GPHN: variants seen among roughly 807,000 people sequenced by gnomAD.
The protein encoded by GPHN is gephyrin.
GPHN carries 17 observed loss-of-function variants against 95.5 expected under a neutral mutation model. That is an observed-to-expected ratio of 0.18 (90% confidence interval 0.12 to 0.27). GPHN has a LOEUF of 0.27. GPHN is among the 10% of genes least tolerant of loss of function. The pLI is 1.00. For synonymous variants in GPHN, 320 were observed against 322.5 expected (o/e 0.99, Z 0.08); for missense variants, 660 against 978.1 (o/e 0.67, Z 4.34).
rs540347213 is a variant in GPHN at position 66,837,210 on chromosome 14, A to G, written c.294+12644A>G. 9.9e-5 allele frequency among the ~76,000 whole-genome samples: 14 copies of G among 141,320 alleles called. No individual in the cohort carries two copies. The East Asian group carries it at 2.9e-3, about 29-fold the overall frequency. 92.7% of individuals were successfully genotyped at this position (141,320 alleles called of 152,430 possible). On this transcript the variant is annotated intron_variant, in intron 4 of 22. Coordinates refer to ENST00000478722, the MANE Select transcript of GPHN (RefSeq NM_020806.5). ...GAACCAACCCAAATGTCCAACAATG[A>G]TAGACTGGATTAAGAAAATGTGGCA...
intron 1 of GPHN, among the ~76,000 whole-genome samples, chr14:66,612,126 G>A (rs1041331825): frequency 1.3e-5 from 2 of 151,834 alleles, no homozygotes; most frequent in African/African-American, 4.8e-5. Context: ...TCTCTGAAAT[G>A]GCCTTTCTTC....
intron 2 of GPHN, among the ~76,000 whole-genome samples, chr14:66,694,028 C>A (rs2067956683): frequency 6.6e-6 from 1 of 152,004 alleles, no homozygotes; most frequent in African/African-American, 2.4e-5. Flanking sequence ...GAATAGAGAG[C>A]CCAGAAATAG....
At chr14:67,074,806 G>C (rs1595040792) in intron 11 of GPHN, among the ~76,000 whole-genome samples, 1 of 152,142 alleles carries the variant, frequency 6.6e-6, no homozygotes, top group East Asian at 1.9e-4. Context: ...TTTCAATTCT[G>C]TGAAGGTTGA....
intron 8 of GPHN, among the ~76,000 whole-genome samples, chr14:66,947,964 A>G (rs2067861283): frequency 6.6e-6 from 1 of 152,196 alleles, no homozygotes; most frequent in Non-Finnish European, 1.5e-5. Flanking sequence ...CACAGAAAGG[A>G]AAAAAGAAAC....
At chr14:66,953,024 T>G (rs1412736427) in intron 8 of GPHN, among the ~76,000 whole-genome samples, 1 of 151,254 alleles carries the variant, frequency 6.6e-6, no homozygotes, top group Non-Finnish European at 1.5e-5. Context: ...ATCATCTGAA[T>G]GGGTGTGAAA....
chr14:67,062,408 A>ACCT (rs1181269005), intron 11 of GPHN, among the ~76,000 whole-genome samples: 3 of 152,264 alleles, frequency 2.0e-5, no homozygotes, highest in African/African-American at 7.2e-5. Context: ...AGAAGCCCTT[A>ACCT]GAGGAAAGCC....
chr14:66,845,957 G>A (rs992158523), intron 4 of GPHN, among the ~76,000 whole-genome samples: 2 of 152,004 alleles, frequency 1.3e-5, no homozygotes, highest in African/African-American at 4.8e-5. Flanking sequence ...TACCGTAGTG[G>A]CCTAGACCTT....
chr14:66,602,424 A>G (rs1311544256), intron 1 of GPHN, among the ~76,000 whole-genome samples: 4 of 151,974 alleles, frequency 2.6e-5, no homozygotes, highest in Admixed American at 2.0e-4. Context: ...TAACTTTCTC[A>G]AGAATATATT....
At chr14:67,633,116 G>A in the GPHN span, among the ~76,000 whole-genome samples, 9 of 152,150 alleles carry the variant, frequency 5.9e-5, no homozygotes, top group East Asian at 7.7e-4. Context: ...CACTGCGCCC[G>A]GCCAAGCCTC....
the GPHN span, among the ~76,000 whole-genome samples, chr14:67,382,837 G>A: frequency 6.6e-6 from 1 of 151,666 alleles, no homozygotes; most frequent in Admixed American, 6.6e-5. Context: ...TCTCAGAATT[G>A]GAGAAAAAAA....
chr14:66,771,735 C>T (rs2059183256), intron 2 of GPHN, among the ~76,000 whole-genome samples: 1 of 120,392 alleles, frequency 8.3e-6, no homozygotes, highest in Non-Finnish European at 1.7e-5. Context: ...CTCCCCCCAC[C>T]CCACAACAGT....
the GPHN span, among the ~76,000 whole-genome samples, chr14:67,729,024 A>C: frequency 6.6e-6 from 1 of 152,196 alleles, no homozygotes; most frequent in Non-Finnish European, 1.5e-5. Flanking sequence ...CTGAAAGATC[A>C]ATTCATTCCT....
the GPHN span, chr14:67,334,054 T>C: frequency 1.3e-5 from 2 of 152,570 alleles, no homozygotes; most frequent in Non-Finnish European, 2.9e-5. Flanking sequence ...ATTATATATG[T>C]CCTTGGGAAA....
the GPHN span, chr14:67,620,847 TCCGACACC>T: frequency 6.2e-7 from 1 of 1,607,730 alleles, no homozygotes. Flanking sequence ...TGGGTTTTTT[TCCGACACC>T]TTCTCTACCT....
At chr14:67,646,517 G>C in the GPHN span, 11 of 697,950 alleles carry the variant, frequency 1.6e-5, no homozygotes, top group Non-Finnish European at 2.8e-5. Context: ...AGTGTGTCCT[G>C]TGTTGCTCTA....
chr14:67,324,126 C>T, the GPHN span, among the ~76,000 whole-genome samples: 1 of 152,188 alleles, frequency 6.6e-6, no homozygotes, highest in South Asian at 2.1e-4. Flanking sequence ...TGTAGATACT[C>T]CACATTTTCA....
At chr14:67,723,888 C>T in the GPHN span, among the ~76,000 whole-genome samples, 5 of 152,206 alleles carry the variant, frequency 3.3e-5, no homozygotes, top group Non-Finnish European at 7.3e-5. Flanking sequence ...TCTCTGTTTG[C>T]CATCGGCCAG....
the GPHN span, chr14:67,722,429 C>T: frequency 1.6e-6 from 1 of 628,324 alleles, no homozygotes. Context: ...ACCAGGACTA[C>T]ATCTCCCAGC....
At chr14:67,706,491 A>T in the GPHN span, among the ~76,000 whole-genome samples, 145 of 152,352 alleles carry the variant, frequency 9.5e-4, 1 homozygote, top group African/African-American at 3.3e-3. Context: ...AACATATGGA[A>T]AATGAACATC....
Sources: allele counts gnomAD v4.1 joint callset (sites outside exome capture counted in the v4.1 genomes callset), GRCh38; gene constraint gnomAD v4.1.1; transcripts MANE v1.5; gene names NCBI Gene and HGNC (gene_info 2026-07-23, HGNC 2026-07-21).